Variants in RNF144B observed in about 807,000 individuals in gnomAD.
The protein encoded by RNF144B is ring finger protein 144B.
A neutral mutation model predicts 40.2 loss-of-function variants in RNF144B; 25 were observed. The ratio of observed to expected loss-of-function variants is 0.62; its 90% confidence interval spans 0.45 to 0.87. RNF144B has a LOEUF of 0.87. Among genes scored for constraint, RNF144B ranks in the 40% least tolerant of loss-of-function variants. The pLI, the probability that RNF144B is intolerant of heterozygous loss-of-function variation, is 0.00. For missense variants in RNF144B, 365 were observed against 373.7 expected (o/e 0.98, Z 0.19); for synonymous variants, 145 against 136.3 (o/e 1.06, Z -0.44).
rs1347009406 is a variant in RNF144B at position 18,403,960 on chromosome 6, T to G, written c.165+4261T>G. Among the ~76,000 whole-genome samples, 4 of 152,290 alleles carry G rather than the reference T, an allele frequency of 2.6e-5. No homozygotes were observed. In the South Asian group the frequency reaches 8.3e-4, roughly 32 times the overall value. On this transcript the variant is annotated intron_variant, in intron 2 of 7. Transcript: ENST00000259939. ...TTCATTCCCGCAAGAACTAATTCAT[T>G]CTCGCCACAGCAAGAACTCAGCCAC...
chr6:18,432,012 G>A (rs71556175), intron 3 of RNF144B, among the ~76,000 whole-genome samples: 19,003 of 152,134 alleles, frequency 0.12, 1,363 homozygotes, highest in Admixed American at 0.19. Flanking sequence ...TGCCCATGGA[G>A]AATACTCAGA....
chr6:18,444,007 G>C lies in RNF144B; in HGVS notation c.331+4263G>C, dbSNP rs1485814961. 6.6e-6 allele frequency among the ~76,000 whole-genome samples: 1 copy of C among 152,136 alleles called. No individual in the cohort carries two copies. Among genetic ancestry groups the C allele is most frequent in the Non-Finnish European group, 1.5e-5 (1 of 68,010 alleles). On this transcript the variant is annotated intron_variant, in intron 4 of 7. Coordinates refer to ENST00000259939, the MANE Select transcript of RNF144B (RefSeq NM_182757.4). The surrounding 1 kb of genome is among the most constrained non-coding windows in gnomAD (Gnocchi z 4.3). ...AGAGTAGATGCAGTACTATTTCTTA[G>C]TTATAAAAAATCATCCTTAGTTTTT...
At position 18,399,563 on chromosome 6, in the gene RNF144B, T is replaced by A. The variant is rs1038212802; in HGVS notation, c.29T>A (p.Leu10His). Residue 10 changes from leucine to histidine, a missense_variant, in exon 2 of 8, where the codon CTC (leucine) becomes CAC (histidine). By Grantham distance (99) the Leu-to-His change is moderately conservative. Coordinates refer to ENST00000259939, the MANE Select transcript of RNF144B (RefSeq NM_182757.4). Reference protein sequence around the residue: MGSAGRLHYLAMTAENPTPG... With the variant: MGSAGRLHYHAMTAENPTPG... ...GGCTCAGCTGGTAGGCTCCACTATC[T>A]CGCCATGACTGCTGAAAATCCCACT... 6.2e-6 allele frequency: 10 copies of A among 1,614,026 alleles called. No homozygotes were observed. The African/African-American group carries it at 1.3e-4, about 22-fold the overall frequency.
In RNF144B at chr6:18,450,606, T is replaced by C. The variant is rs1006887257; in HGVS notation, c.332-6549T>C. On this transcript the variant is annotated intron_variant, in intron 4 of 7. Transcript: ENST00000259939. This position sits in a 1 kb window ranked among gnomAD's most constrained non-coding sequence, Gnocchi z 4.7. Reference sequence around the variant, plus strand: ...GAGCCACCACACCCAGCTGAGTTTCTAAGGTGTAAATATTAATACTTCCAC... The same window carrying C: ...GAGCCACCACACCCAGCTGAGTTTCCAAGGTGTAAATATTAATACTTCCAC... Among the ~76,000 whole-genome samples, 2 of 152,164 alleles carry C rather than the reference T, an allele frequency of 1.3e-5. No homozygotes were observed. The highest frequency in any genetic ancestry group is 4.8e-5 in the African/African-American group (2 of 41,434).
In RNF144B at chr6:18,406,017, AAG is replaced by A. The variant is rs1794896608; in HGVS notation, c.165+6322_165+6323del. 1.9e-6 allele frequency: 1 copy of A among 517,882 alleles called. No homozygotes were observed. The highest frequency in any genetic ancestry group is 1.9e-5 in the Admixed American group (1 of 51,434). 32.1% of individuals were successfully genotyped at this position (517,882 alleles called of 1,614,324 possible). On this transcript the variant is annotated intron_variant, in intron 2 of 7. Transcript: ENST00000259939. This position sits in a 1 kb window ranked among gnomAD's most constrained non-coding sequence, Gnocchi z 4.2. ...GGGATGCCAGTATGGTTTGGCATTTAAGAGAATGGGTCTCAAGTTTGGTAGCT... is the reference window on the plus strand; with the variant it reads ...GGGATGCCAGTATGGTTTGGCATTTAAGAATGGGTCTCAAGTTTGGTAGCT...
chr6:18,391,423 G>A (rs1794577105), intron 1 of RNF144B, among the ~76,000 whole-genome samples: 1 of 152,172 alleles, frequency 6.6e-6, no homozygotes, highest in Admixed American at 6.5e-5. Flanking sequence ...AAATTGCCAT[G>A]CCAAAAATAT....
In RNF144B at chr6:18,458,540, C is replaced by T. The variant is rs1425682014; in HGVS notation, c.537-1067C>T. Among the ~76,000 whole-genome samples the T allele has an allele frequency of 1.3e-5, 2 of 152,156 alleles. No homozygotes were observed. Among genetic ancestry groups the T allele is most frequent in the Non-Finnish European group, 2.9e-5 (2 of 68,038 alleles). On this transcript the variant is annotated intron_variant, in intron 5 of 7. Transcript: ENST00000259939. The surrounding 1 kb of genome is among the most constrained non-coding windows in gnomAD (Gnocchi z 4.8). Reference sequence around the variant, plus strand: ...GCCGGATTCAAACCACTGTTGCCTACATTTTCGTGGCCATAGCAGGAAGCT... The same window carrying T: ...GCCGGATTCAAACCACTGTTGCCTATATTTTCGTGGCCATAGCAGGAAGCT...
At chr6:18,421,604 G>A (rs185303972) in intron 2 of RNF144B, among the ~76,000 whole-genome samples, 2 of 152,244 alleles carry the variant, frequency 1.3e-5, no homozygotes, top group African/African-American at 4.8e-5. Flanking sequence ...CAGACCAAGG[G>A]TTAGCACGGA....
At chr6:18,430,129 A>G (rs963702628) in intron 3 of RNF144B, among the ~76,000 whole-genome samples, 1 of 152,212 alleles carries the variant, frequency 6.6e-6, no homozygotes, top group Non-Finnish European at 1.5e-5. Context: ...TGACTAATCC[A>G]GTAGCCACTA....
chr6:18,387,999 T>G (rs1350229227), intron 1 of RNF144B, among the ~76,000 whole-genome samples: 2 of 152,158 alleles, frequency 1.3e-5, no homozygotes, highest in Non-Finnish European at 2.9e-5. Flanking sequence ...AATGAAACAG[T>G]GAAACTCTGA....
intron 1 of RNF144B, among the ~76,000 whole-genome samples, chr6:18,392,659 C>T (rs910797999): frequency 5.9e-5 from 9 of 151,994 alleles, no homozygotes; most frequent in Admixed American, 1.3e-4. Flanking sequence ...GAAACAGTGG[C>T]GAGAAAACAG....
intron 2 of RNF144B, among the ~76,000 whole-genome samples, chr6:18,415,867 A>T (rs1292531903): frequency 6.6e-6 from 1 of 150,380 alleles, no homozygotes; most frequent in Non-Finnish European, 1.5e-5. Flanking sequence ...TGTTGCTGGG[A>T]CCTTAAGTGC....
Position 18,425,799 on chromosome 6 carries a change from C to T in RNF144B, c.166-1782C>T, listed in dbSNP as rs1758535274. 6.6e-6 allele frequency among the ~76,000 whole-genome samples: 1 copy of T among 152,062 alleles called. No individual in the cohort carries two copies. The highest frequency in any genetic ancestry group is 1.5e-5 in the Non-Finnish European group (1 of 68,016). ...CTTTTCATGATTCTGCACATTCTAT[C>T]GCATAAATTTAGCAACATTTATTTC... On this transcript the variant is annotated intron_variant, in intron 2 of 7. Coordinates refer to ENST00000259939, the MANE Select transcript of RNF144B (RefSeq NM_182757.4). This position sits in a 1 kb window ranked among gnomAD's most constrained non-coding sequence, Gnocchi z 4.2.
chr6:18,390,290 G>A (rs1354206409), intron 1 of RNF144B, among the ~76,000 whole-genome samples: 1 of 152,192 alleles, frequency 6.6e-6, no homozygotes, highest in Non-Finnish European at 1.5e-5. Flanking sequence ...ACCTTTAGGT[G>A]TATGTGGGAG....
chr6:18,432,279 A>G (rs1475225268), intron 3 of RNF144B, among the ~76,000 whole-genome samples: 1 of 152,046 alleles, frequency 6.6e-6, no homozygotes, highest in Non-Finnish European at 1.5e-5. Context: ...CTGAGGGATG[A>G]CTCTACTGTT....
chr6:18,393,423 G>C (rs1223760944), intron 1 of RNF144B, among the ~76,000 whole-genome samples: 1 of 152,190 alleles, frequency 6.6e-6, no homozygotes, highest in South Asian at 2.1e-4. Flanking sequence ...AGGTCACCCT[G>C]CCATTGTATT....
Position 18,465,919 on chromosome 6 carries a change from G to GGTCCCAGCCAATA in RNF144B, c.*853_*854insTCCCAGCCAATAG, listed in dbSNP as rs1399550986. The GGTCCCAGCCAATA allele has an allele frequency of 6.6e-6, 1 of 152,192 alleles. No individual in the cohort carries two copies. Among genetic ancestry groups the GGTCCCAGCCAATA allele is most frequent in the Non-Finnish European group, 1.5e-5 (1 of 68,040 alleles). 9.4% of individuals were successfully genotyped at this position (152,192 alleles called of 1,614,324 possible). ...TCATAGATATCTGGGACCTTTCTCA[G>GGTCCCAGCCAATA]GATCTGTGTTCACACAGCCAATAGA... is the stretch of plus-strand genomic sequence containing the variant. On this transcript the variant is annotated 3_prime_UTR_variant, in exon 8 of 8. Coordinates refer to ENST00000259939, the MANE Select transcript of RNF144B (RefSeq NM_182757.4).
intron 2 of RNF144B, among the ~76,000 whole-genome samples, chr6:18,401,021 A>C (rs1039573424): frequency 2.6e-5 from 4 of 152,130 alleles, no homozygotes; most frequent in African/African-American, 9.7e-5. Flanking sequence ...CAAAACAATT[A>C]TTTCTCTGAC....
Position 18,441,352 on chromosome 6 carries a change from C to A in RNF144B, c.331+1608C>A, listed in dbSNP as rs1042288292. On this transcript the variant is annotated intron_variant, in intron 4 of 7. Transcript: ENST00000259939. The surrounding 1 kb of genome is among the most constrained non-coding windows in gnomAD (Gnocchi z 4.9). ...AGCCTACAGAGTTAGGTTGGATTTT[C>A]AGGCTGCTGCTTAAATGGTGAGATA... 2.6e-4 allele frequency among the ~76,000 whole-genome samples: 40 copies of A among 152,260 alleles called. No individual in the cohort carries two copies. Among genetic ancestry groups the A allele is most frequent in the African/African-American group, 9.6e-4 (40 of 41,566 alleles).
Sources: gnomAD v4.1 joint callset for allele counts (sites outside exome capture counted in the v4.1 genomes callset) on GRCh38, gnomAD v4.1.1 for gene constraint, Gnocchi (gnomAD v3.1) non-coding constraint, MANE v1.5 for transcripts, NCBI Gene and HGNC (gene_info 2026-07-23, HGNC 2026-07-21) for gene names.